The following PRDM16 variants were observed in gnomAD, a reference collection of about 807,000 sequenced individuals.
The protein encoded by PRDM16 is histone-lysine N-methyltransferase PRDM16.
In PRDM16, 23 loss-of-function variants were observed where a neutral mutation model predicts 110.6. The ratio of observed to expected loss-of-function variants is 0.21; its 90% CI spans 0.15 to 0.29. PRDM16 has a LOEUF of 0.29. Ranked by LOEUF, PRDM16 falls within the 10% of genes least tolerant of loss-of-function variation. The pLI, the probability that PRDM16 is intolerant of heterozygous loss-of-function variation, is 1.00. For missense variants in PRDM16, 1,615 were observed against 1,794.3 expected, an observed-to-expected ratio of 0.90 and a Z score of 1.81; for synonymous variants, 799 against 781.8, an observed-to-expected ratio of 1.02 and a Z score of -0.37.
chr1:3,253,358 C>T (rs28522728), intron 3 of PRDM16, among the ~76,000 whole-genome samples: 3 of 108,016 alleles, frequency 2.8e-5, no homozygotes, highest in East Asian at 2.9e-4. Flanking sequence ...CCCTCCCCCC[C>T]TCCCCCCACC....
intron 3 of PRDM16, among the ~76,000 whole-genome samples, chr1:3,329,838 G>A (rs1260590647): frequency 1.3e-5 from 2 of 152,254 alleles, no homozygotes; most frequent in African/African-American, 2.4e-5. Flanking sequence ...TGTGTTCTCC[G>A]GCCTCCCATG....
In PRDM16 at chr1:3,350,096, G is replaced by A. The variant is rs1642452997; in HGVS notation, c.439-35056G>A. On this transcript the variant is annotated intron_variant, in intron 3 of 16. Coordinates refer to ENST00000270722, the MANE Select transcript of PRDM16 (RefSeq NM_022114.4). The surrounding 1 kb of genome is among the most constrained non-coding windows in gnomAD (Gnocchi z 7.1). ...GCCCAAAATCCCAGCACCTTGGGAGGCCAAGGCGGGAGGAAGCCCAGAAGT... is the reference window on the plus strand; with the variant it reads ...GCCCAAAATCCCAGCACCTTGGGAGACCAAGGCGGGAGGAAGCCCAGAAGT... Among the ~76,000 whole-genome samples the A allele has an allele frequency of 6.6e-6, 1 of 152,212 alleles. No homozygotes were observed. Among genetic ancestry groups the A allele is most frequent in the African/African-American group, 2.4e-5 (1 of 41,456 alleles).
chr1:3,198,257 G>A (rs1047872446), intron 2 of PRDM16, among the ~76,000 whole-genome samples: 5 of 152,234 alleles, frequency 3.3e-5, no homozygotes, highest in African/African-American at 4.8e-5. Flanking sequence ...GCAGGGCAGC[G>A]TCTCTCTGGG....
In PRDM16 at chr1:3,395,910, T is replaced by G. The variant is rs12024311; in HGVS notation, c.574-581T>G. Reference sequence around the variant, plus strand: ...GTGTCCTCCATCCCAGACTCCCGCCTGTGGGGTCAGCAGCAAGGCGCCAAG... The same window carrying G: ...GTGTCCTCCATCCCAGACTCCCGCCGGTGGGGTCAGCAGCAAGGCGCCAAG... On this transcript the variant is annotated intron_variant, in intron 4 of 16. Transcript: ENST00000270722. 1.1e-3 allele frequency among the ~76,000 whole-genome samples: 161 copies of G among 152,270 alleles called. 2 individuals carry two copies. In the East Asian group the frequency reaches 0.029, roughly 27 times the overall value.
Position 3,353,318 on chromosome 1 carries a change from A to G in PRDM16, c.439-31834A>G, listed in dbSNP as rs1302235941. ...CACCTGCAGCCTGGGTCCCTGCAGAAACCTGGCTCGGCCTGGGGGCTATGG... is the reference window on the plus strand; with the variant it reads ...CACCTGCAGCCTGGGTCCCTGCAGAGACCTGGCTCGGCCTGGGGGCTATGG... On this transcript the variant is annotated intron_variant, in intron 3 of 16. Coordinates refer to ENST00000270722, the MANE Select transcript of PRDM16 (RefSeq NM_022114.4). The surrounding 1 kb of genome is among the most constrained non-coding windows in gnomAD (Gnocchi z 5.4). Among the ~76,000 whole-genome samples the G allele has an allele frequency of 6.6e-6, 1 of 152,206 alleles. No homozygotes were observed. Among genetic ancestry groups the G allele is most frequent in the African/African-American group, 2.4e-5 (1 of 41,452 alleles).
chr1:3,139,577 GAATGCCATCGCGAAT>G (rs1158992483), intron 1 of PRDM16, among the ~76,000 whole-genome samples: 1 of 152,274 alleles, frequency 6.6e-6, no homozygotes, highest in Non-Finnish European at 1.5e-5. Flanking sequence ...CTGTCACCAT[GAATGCCATCGCGAAT>G]AATGCCAAGC....
At chr1:3,150,768 G>A (rs77715459) in intron 1 of PRDM16, among the ~76,000 whole-genome samples, 1,947 of 150,986 alleles carry the variant, frequency 0.013, 78 homozygotes, top group East Asian at 0.11. Flanking sequence ...CCAGTTGGCC[G>A]TTGGGGACGT....
rs1638875814 is a variant in PRDM16, at chr1:3,435,314, A to G, written c.*1503A>G. ...CATTAGACATTCTTATTGTGAAGAAATAATGTTAATATAAGTATCTGGTGA... is the reference window on the plus strand; with the variant it reads ...CATTAGACATTCTTATTGTGAAGAAGTAATGTTAATATAAGTATCTGGTGA... On this transcript the variant is annotated 3_prime_UTR_variant, in exon 17 of 17. Coordinates refer to ENST00000270722, the MANE Select transcript of PRDM16 (RefSeq NM_022114.4). 8.8e-6 allele frequency: 2 copies of G among 227,502 alleles called. No individual in the cohort carries two copies. Among genetic ancestry groups the G allele is most frequent in the African/African-American group, 2.2e-5 (1 of 44,952 alleles). 14.1% of individuals were successfully genotyped at this position (227,502 alleles called of 1,614,324 possible).
In PRDM16 at chr1:3,265,208, C is replaced by T. The variant is rs996725796; in HGVS notation, c.438+21071C>T. Among the ~76,000 whole-genome samples the T allele has an allele frequency of 2.0e-5, 3 of 152,094 alleles. No individual in the cohort carries two copies. Among genetic ancestry groups the T allele is most frequent in the African/African-American group, 7.2e-5 (3 of 41,404 alleles). On this transcript the variant is annotated intron_variant, in intron 3 of 16. Transcript: ENST00000270722. This position sits in a 1 kb window ranked among gnomAD's most constrained non-coding sequence, Gnocchi z 4.5. The stretch of plus-strand genomic sequence containing the variant: ...ACAGGGATGAGACAGGAGCAGGGCT[C>T]TGGGTCCGGAGAAATTGCAACCATG...
intron 3 of PRDM16, among the ~76,000 whole-genome samples, chr1:3,252,111 C>A (rs1424126257): frequency 6.6e-6 from 1 of 152,246 alleles, no homozygotes; most frequent in Non-Finnish European, 1.5e-5. Flanking sequence ...TCCTTGGGAC[C>A]CTTCCCGAGG....
intron 1 of PRDM16, among the ~76,000 whole-genome samples, chr1:3,073,248 G>C (rs1445382629): frequency 6.6e-6 from 1 of 152,248 alleles, no homozygotes; most frequent in South Asian, 2.1e-4. Flanking sequence ...GGGAGGTGAG[G>C]CTGGTGGCAG....
At chr1:3,349,048 G>T (rs1000347817) in intron 3 of PRDM16, among the ~76,000 whole-genome samples, 5 of 152,236 alleles carry the variant, frequency 3.3e-5, no homozygotes, top group South Asian at 4.1e-4. Context: ...GCCCAGCATG[G>T]CCGGAGAGGC....
At chr1:3,222,642 T>TA (rs1639184037) in intron 2 of PRDM16, among the ~76,000 whole-genome samples, 1 of 152,160 alleles carries the variant, frequency 6.6e-6, no homozygotes, top group Non-Finnish European at 1.5e-5. Flanking sequence ...CCAGGGCACT[T>TA]AGGCCCAGCC....
At chr1:3,146,029 C>T (rs922364410) in intron 1 of PRDM16, among the ~76,000 whole-genome samples, 3 of 152,156 alleles carry the variant, frequency 2.0e-5, no homozygotes, top group Non-Finnish European at 4.4e-5. Context: ...CCGTTAGGGA[C>T]GCAATGAGGA....
At chr1:3,071,783 A>C (rs1000740428) in intron 1 of PRDM16, among the ~76,000 whole-genome samples, 1 of 152,150 alleles carries the variant, frequency 6.6e-6, no homozygotes, top group African/African-American at 2.4e-5. Context: ...GTTGGTATTC[A>C]GGCTGGGCAC....
chr1:3,171,752 C>T (rs1442767643), intron 1 of PRDM16, among the ~76,000 whole-genome samples: 1 of 152,112 alleles, frequency 6.6e-6, no homozygotes, highest in Non-Finnish European at 1.5e-5. Flanking sequence ...CTCCAGAACA[C>T]CTAAGCACCT....
chr1:3,408,558 A>G (rs12742153), intron 8 of PRDM16, among the ~76,000 whole-genome samples: 42 of 113,174 alleles, frequency 3.7e-4, no homozygotes, highest in Non-Finnish European at 6.3e-4. Context: ...GAGCTGGTGC[A>G]TGTGTCGGTG....
chr1:3,181,606 AGTCTTACACACG>A (rs1413885199), intron 1 of PRDM16, among the ~76,000 whole-genome samples: 4 of 136,026 alleles, frequency 2.9e-5, no homozygotes, highest in East Asian at 2.6e-4. Context: ...TTACACATGC[AGTCTTACACACG>A]GTCTTACACA....
chr1:3,190,761 C>T lies in PRDM16; in HGVS notation c.387+4287C>T, dbSNP rs114611276. Reference sequence around the variant, plus strand: ...CTGCCTGGAGGAAATCACCCGTGAGCGCATTTGCTCGCCGTGGGGTCTGCA... The same window carrying T: ...CTGCCTGGAGGAAATCACCCGTGAGTGCATTTGCTCGCCGTGGGGTCTGCA... On this transcript the variant is annotated intron_variant, in intron 2 of 16. Transcript: ENST00000270722. The surrounding 1 kb of genome is among the most constrained non-coding windows in gnomAD (Gnocchi z 5.0). Among the ~76,000 whole-genome samples the T allele has an allele frequency of 8.5e-3, 1,290 of 152,362 alleles. 17 individuals carry two copies. Among genetic ancestry groups the T allele is most frequent in the African/African-American group, 0.029 (1,225 of 41,584 alleles).
Sources: allele counts gnomAD v4.1 joint callset (sites outside exome capture counted in the v4.1 genomes callset), GRCh38; gene constraint gnomAD v4.1.1; non-coding constraint Gnocchi (gnomAD v3.1); transcripts MANE v1.5; gene names NCBI Gene and HGNC (gene_info 2026-07-23, HGNC 2026-07-21).